Variants in KCNC2 observed in about 807,000 individuals in gnomAD.
KCNC2 encodes potassium voltage-gated channel subfamily C member 2.
KCNC2 carries 21 observed loss-of-function variants against 44.5 expected under a neutral mutation model. That is an observed-to-expected ratio of 0.47 (90% CI 0.33 to 0.68). The LOEUF (loss-of-function observed/expected upper bound fraction) is 0.68, where lower values mean the gene tolerates loss of function less well. Ranked by LOEUF, KCNC2 falls within the 30% of genes least tolerant of loss-of-function variation. The pLI is 0.01. For missense variants in KCNC2, 589 were observed against 826.2 expected, an observed-to-expected ratio of 0.71 and a Z score of 3.52; for synonymous variants, 391 against 339.1, an observed-to-expected ratio of 1.15 and a Z score of -1.68.
At chr12:75,123,435 C>T (rs536387612) in intron 2 of KCNC2, among the ~76,000 whole-genome samples, 17 of 152,284 alleles carry the variant, frequency 1.1e-4, no homozygotes, top group Middle Eastern at 3.4e-3. Context: ...GGTATCCACC[C>T]GTCATCCTAA....
chr12:75,202,974 T>C (rs1186651594), intron 2 of KCNC2, among the ~76,000 whole-genome samples: 1 of 151,738 alleles, frequency 6.6e-6, no homozygotes, highest in Non-Finnish European at 1.5e-5. Flanking sequence ...CTTTTCATAG[T>C]TTTCAGTCTA....
At chr12:75,175,848 A>G (rs1892147908) in intron 2 of KCNC2, among the ~76,000 whole-genome samples, 1 of 152,130 alleles carries the variant, frequency 6.6e-6, no homozygotes, top group Non-Finnish European at 1.5e-5. Context: ...GTTTAAGAAC[A>G]GGGTTGCCAG....
intron 2 of KCNC2, among the ~76,000 whole-genome samples, chr12:75,182,668 A>G (rs550743985): frequency 6.6e-6 from 1 of 152,278 alleles, no homozygotes; most frequent in South Asian, 2.1e-4. Flanking sequence ...AGATTTTTAG[A>G]AAGGCAATAT....
chr12:75,130,780 A>T (rs1388563082), intron 2 of KCNC2, among the ~76,000 whole-genome samples: 2 of 138,762 alleles, frequency 1.4e-5, no homozygotes, highest in African/African-American at 6.3e-5. Flanking sequence ...ACTCCTAGTA[A>T]TAAAAAAAAA....
chr12:75,043,327 C>G, intron 4 of KCNC2, 86 bp from the exon 5 acceptor site: 1 of 1,512,302 alleles, frequency 6.6e-7, no homozygotes, highest in South Asian at 1.3e-5. Context: ...ATCAAAAGTG[C>G]TACTTTCAAG....
intron 2 of KCNC2, among the ~76,000 whole-genome samples, chr12:75,165,165 A>C (rs2137545529): frequency 6.6e-6 from 1 of 151,742 alleles, no homozygotes; most frequent in South Asian, 2.1e-4. Flanking sequence ...TATGATTAGA[A>C]GTGTTTACGA....
chr12:75,168,321 T>C (rs1903019), intron 2 of KCNC2, among the ~76,000 whole-genome samples: 3,678 of 151,444 alleles, frequency 0.024, 147 homozygotes, highest in African/African-American at 0.085. Flanking sequence ...GTCTATATGC[T>C]AGTTATTGTA....
intron 2 of KCNC2, among the ~76,000 whole-genome samples, chr12:75,181,676 G>A (rs1892584922): frequency 6.6e-6 from 1 of 152,126 alleles, no homozygotes; most frequent in Non-Finnish European, 1.5e-5. Context: ...TCACAGATAT[G>A]AACTCAAATT....
chr12:75,083,175 CA>C (rs896099208), intron 2 of KCNC2, among the ~76,000 whole-genome samples: 1 of 151,224 alleles, frequency 6.6e-6, no homozygotes, highest in South Asian at 2.1e-4. Flanking sequence ...CTTTAAAATA[CA>C]AAAAATAAAG....
chr12:75,163,120 G>A (rs1289603530), intron 2 of KCNC2, among the ~76,000 whole-genome samples: 1 of 151,734 alleles, frequency 6.6e-6, no homozygotes, highest in African/African-American at 2.4e-5. Flanking sequence ...CAGTAATACC[G>A]CTTCCCAGCA....
chr12:75,062,100 A>G (rs535440355), intron 2 of KCNC2, among the ~76,000 whole-genome samples: 13 of 152,228 alleles, frequency 8.5e-5, no homozygotes, highest in Admixed American at 3.3e-4. Flanking sequence ...ATTATTTTTT[A>G]TTTAATCTTA....
At chr12:75,183,049 G>A (rs1892712091) in intron 2 of KCNC2, among the ~76,000 whole-genome samples, 1 of 152,228 alleles carries the variant, frequency 6.6e-6, no homozygotes, top group African/African-American at 2.4e-5. Context: ...AACTGATGGA[G>A]TGGTTAGCAA....
At chr12:75,045,123 A>T (rs1011657504) in intron 4 of KCNC2, among the ~76,000 whole-genome samples, 2 of 152,008 alleles carry the variant, frequency 1.3e-5, no homozygotes, top group Non-Finnish European at 2.9e-5. Context: ...GACGATAAAC[A>T]TTGATTGGCT....
At chr12:75,074,015 C>T (rs1202965251) in intron 2 of KCNC2, among the ~76,000 whole-genome samples, 2 of 151,796 alleles carry the variant, frequency 1.3e-5, no homozygotes, top group Admixed American at 1.3e-4. Context: ...CTATTGTCTG[C>T]CTATTGAAAT....
chr12:75,140,214 G>A, intron 2 of KCNC2: 1 of 152,136 alleles, frequency 6.6e-6, no homozygotes, highest in South Asian at 2.1e-4. Flanking sequence ...TACGTCAAGA[G>A]AGTAAGTCAC....
intron 4 of KCNC2, among the ~76,000 whole-genome samples, chr12:75,047,449 T>C (rs1045014603): frequency 2.6e-5 from 4 of 152,108 alleles, no homozygotes; most frequent in Admixed American, 2.6e-4. Flanking sequence ...ACAATTTTTA[T>C]TCATTCAATC....
chr12:75,133,642 T>C (rs1178205944), intron 2 of KCNC2, among the ~76,000 whole-genome samples: 1 of 151,984 alleles, frequency 6.6e-6, no homozygotes, highest in Non-Finnish European at 1.5e-5. Flanking sequence ...AAGAGTGGCC[T>C]TACATGAATA....
chr12:75,205,394 T>C (rs1348047460), intron 2 of KCNC2, among the ~76,000 whole-genome samples: 3 of 152,170 alleles, frequency 2.0e-5, no homozygotes, highest in African/African-American at 7.2e-5. Flanking sequence ...TTTGGTGTAT[T>C]CTTTTCTCAC....
chr12:75,138,994 A>C (rs868734017), intron 2 of KCNC2, among the ~76,000 whole-genome samples: 1 of 122,904 alleles, frequency 8.1e-6, no homozygotes. Flanking sequence ...AAAAAAAAAA[A>C]AAAAAAAAAA....
Sources: allele counts gnomAD v4.1 joint callset (sites outside exome capture counted in the v4.1 genomes callset), GRCh38; gene constraint gnomAD v4.1.1; transcripts MANE v1.5; gene names NCBI Gene and HGNC (gene_info 2026-07-23, HGNC 2026-07-21).